The following CLEC16A variants were observed in gnomAD, a reference collection of about 807,000 sequenced individuals.
The protein encoded by CLEC16A is protein CLEC16A.
CLEC16A carries 51 observed loss-of-function variants against 109.5 expected under a neutral mutation model. That is an observed-to-expected ratio of 0.47 (90% confidence interval 0.37 to 0.59). CLEC16A has a LOEUF of 0.59. Among genes scored for constraint, CLEC16A ranks in the 20% least tolerant of loss-of-function variants. The probability of loss-of-function intolerance (pLI) is 0.00; values close to 1 mark genes in which losing one functional copy is unlikely to be tolerated. For synonymous variants in CLEC16A, 673 were observed against 564.2 expected (o/e 1.19, Z -2.73); for missense variants, 1,339 against 1,394.0 (o/e 0.96, Z 0.63).
rs760969894 is a variant in CLEC16A, at chr16:11,123,925, A to G, written c.2452A>G (p.Met818Val). The stretch of plus-strand genomic sequence containing the variant: ...CAAAGGCCGCATCCAGGCAAGGCGC[A>G]TGAAGATGCAGAGAATAGCTGGTGA... ...LAKGRIQARR[M>V]KMQRIAALLD... The change falls in exon 21 of 24, where the codon ATG becomes GTG. Residue 818 changes from methionine (M) to valine (V), a missense_variant. Coordinates refer to ENST00000409790, the MANE Select transcript of CLEC16A (RefSeq NM_015226.3). 4.3e-6 allele frequency: 7 copies of G among 1,611,942 alleles called. No individual in the cohort carries two copies. Among genetic ancestry groups the G allele is most frequent in the Admixed American group, 1.7e-5 (1 of 59,820 alleles).
intron 20 of CLEC16A, among the ~76,000 whole-genome samples, chr16:11,122,896 C>CTTTTTTTTTTTTTT (rs1002354410): frequency 1.4e-5 from 1 of 73,772 alleles, no homozygotes; most frequent in Non-Finnish European, 2.4e-5. Context: ...CTATCCCTTT[C>CTTTTTTTTTTTTTT]TTTTTTTTTT....
At chr16:11,165,141 T>C (rs1436869502) in intron 22 of CLEC16A, among the ~76,000 whole-genome samples, 2 of 152,070 alleles carry the variant, frequency 1.3e-5, no homozygotes, top group Non-Finnish European at 2.9e-5. Flanking sequence ...GAAAAGCACA[T>C]GTCCACCAGA....
At chr16:11,133,659 C>T (rs966961141) in intron 22 of CLEC16A, among the ~76,000 whole-genome samples, 2 of 152,102 alleles carry the variant, frequency 1.3e-5, no homozygotes, top group South Asian at 2.1e-4. Flanking sequence ...CTGAGAATAA[C>T]GTCCTAGGTG....
chr16:11,033,357 C>T (rs1467161472), intron 13 of CLEC16A, among the ~76,000 whole-genome samples: 1 of 152,062 alleles, frequency 6.6e-6, no homozygotes, highest in African/African-American at 2.4e-5. Context: ...CCCTGTGTGA[C>T]CAATAGTGCC....
intron 22 of CLEC16A, among the ~76,000 whole-genome samples, chr16:11,127,352 G>A (rs748122260): frequency 6.6e-6 from 1 of 152,178 alleles, no homozygotes. Flanking sequence ...TCGTATTTGG[G>A]TCATTTCCAG....
chr16:11,156,933 A>ACCCCCCCCCCCCC, intron 22 of CLEC16A: 2 of 55,154 alleles, frequency 3.6e-5, no homozygotes, highest in South Asian at 2.6e-4. Context: ...CCCCCCACCC[A>ACCCCCCCCCCCCC]CCCCCTGCCG....
chr16:11,085,986 G>C (rs1398338712), intron 19 of CLEC16A, among the ~76,000 whole-genome samples: 1 of 152,228 alleles, frequency 6.6e-6, no homozygotes, highest in Non-Finnish European at 1.5e-5. Flanking sequence ...CGGGTCTTCA[G>C]CTAGTCCTCT....
At chr16:10,994,409 A>G (rs956371523) in intron 10 of CLEC16A, among the ~76,000 whole-genome samples, 34 of 152,152 alleles carry the variant, frequency 2.2e-4, no homozygotes, top group African/African-American at 8.2e-4. Flanking sequence ...CTTGCCAATC[A>G]CCTCCTTCTG....
intron 22 of CLEC16A, among the ~76,000 whole-genome samples, chr16:11,148,376 C>T (rs2054155547): frequency 6.6e-6 from 1 of 152,160 alleles, no homozygotes; most frequent in Non-Finnish European, 1.5e-5. Context: ...GAAACCTCCA[C>T]CTCCTGGTGG....
chr16:11,147,758 G>A (rs547837898), intron 22 of CLEC16A, among the ~76,000 whole-genome samples: 13 of 152,282 alleles, frequency 8.5e-5, no homozygotes, highest in African/African-American at 2.9e-4. Context: ...GCTGTCATCC[G>A]ACAGCACATA....
At chr16:10,955,878 T>C (rs919038699) in intron 1 of CLEC16A, among the ~76,000 whole-genome samples, 2 of 152,104 alleles carry the variant, frequency 1.3e-5, no homozygotes, top group African/African-American at 4.8e-5. Flanking sequence ...CAGACTTCAG[T>C]GGGATTGGGG....
At chr16:10,968,364 A>G (rs2042614622) in intron 3 of CLEC16A, among the ~76,000 whole-genome samples, 1 of 152,210 alleles carries the variant, frequency 6.6e-6, no homozygotes, top group African/African-American at 2.4e-5. Flanking sequence ...GCCTCTCTTC[A>G]CTGTTGAAAG....
intron 22 of CLEC16A, among the ~76,000 whole-genome samples, chr16:11,144,140 C>G (rs965635784): frequency 2.6e-5 from 4 of 152,216 alleles, no homozygotes; most frequent in African/African-American, 9.7e-5. Flanking sequence ...GGTCATCTCC[C>G]AAGCTACCTT....
At chr16:11,047,413 C>T in intron 17 of CLEC16A, 71 bp downstream of exon 17, 1 of 1,239,582 alleles carries the variant, frequency 8.1e-7, no homozygotes, top group Non-Finnish European at 1.1e-6. Flanking sequence ...CCTGCCCATC[C>T]CAGAGGGAGT....
At chr16:11,054,643 C>G (rs957407124) in intron 18 of CLEC16A, among the ~76,000 whole-genome samples, 1 of 152,204 alleles carries the variant, frequency 6.6e-6, no homozygotes, top group Non-Finnish European at 1.5e-5. Flanking sequence ...CCAAGGCATC[C>G]ACTTTAGAAA....
intron 13 of CLEC16A, chr16:11,027,091 A>T: frequency 6.5e-7 from 1 of 1,541,868 alleles, no homozygotes; most frequent in Non-Finnish European, 8.9e-7. Flanking sequence ...AGGAAGGCTT[A>T]TCAGGCACTC....
intron 19 of CLEC16A, among the ~76,000 whole-genome samples, chr16:11,096,466 C>A (rs1170772338): frequency 6.6e-6 from 1 of 152,164 alleles, no homozygotes; most frequent in Non-Finnish European, 1.5e-5. Flanking sequence ...CACACAGAGA[C>A]CCACGGGAGG....
chr16:11,021,683 G>A (rs1189914043), intron 12 of CLEC16A, among the ~76,000 whole-genome samples: 2 of 152,086 alleles, frequency 1.3e-5, no homozygotes, highest in East Asian at 1.9e-4. Flanking sequence ...CTGTAGTCCC[G>A]GCTACTTGAG....
intron 22 of CLEC16A, chr16:11,157,059 A>T (rs763755649): frequency 1.5e-6 from 2 of 1,302,392 alleles, no homozygotes; most frequent in Non-Finnish European, 2.0e-6. Flanking sequence ...CTGAAAGACC[A>T]TTTTTTCTTT....
Sources: gnomAD v4.1 joint callset for allele counts (sites outside exome capture counted in the v4.1 genomes callset) on GRCh38, gnomAD v4.1.1 for gene constraint, MANE v1.5 for transcripts, NCBI Gene and HGNC (gene_info 2026-07-23, HGNC 2026-07-21) for gene names.